Variants in FBXL13 observed in about 807,000 individuals in gnomAD.
FBXL13 encodes F-box and leucine-rich repeat protein 13.
FBXL13 carries 67 observed loss-of-function variants against 83.6 expected under a neutral mutation model. The observed-to-expected ratio is 0.80, with a 90% CI of 0.66 to 0.98. The LOEUF (loss-of-function observed/expected upper bound fraction) is 0.98. Among genes scored for constraint, FBXL13 ranks in the 50% least tolerant of loss-of-function variants. The pLI is 0.00. For synonymous variants in FBXL13, 272 were observed against 299.5 expected, an observed-to-expected ratio of 0.91 and a Z score of 0.95; for missense variants, 822 against 866.5, an observed-to-expected ratio of 0.95 and a Z score of 0.64.
chr7:102,965,608 T>C lies in FBXL13; in HGVS notation c.592-1943A>G, dbSNP rs537657323. ...ACACATACACTCTGGCAATTTCTAA[T>C]ATGAAATCCTAGGCTGGCGCTTATG... On this transcript the variant is annotated intron_variant, in intron 7 of 19. Coordinates refer to ENST00000313221, the Ensembl canonical transcript of FBXL13. Among the ~76,000 whole-genome samples the C allele has an allele frequency of 3.3e-5, 5 of 152,318 alleles. 1 individual carries two copies. Among genetic ancestry groups the C allele is most frequent in the African/African-American group, 1.2e-4 (5 of 41,566 alleles).
intron 2 of FBXL13, among the ~76,000 whole-genome samples, chr7:103,035,284 T>C (rs1296856061): frequency 6.6e-6 from 1 of 152,142 alleles, no homozygotes; most frequent in East Asian, 1.9e-4. Context: ...CTAGGAGGAA[T>C]TCTTGAATTT....
At chr7:102,859,660 G>A (rs1454438866) in intron 16 of FBXL13, among the ~76,000 whole-genome samples, 2 of 152,118 alleles carry the variant, frequency 1.3e-5, no homozygotes, top group African/African-American at 2.4e-5. Context: ...AAGATAGAGT[G>A]ACTCGGTCTC....
rs200024767 is a variant in FBXL13 at position 102,962,300 on chromosome 7, T to C, written c.724+1233A>G. On this transcript the variant is annotated intron_variant, in intron 8 of 19. Coordinates refer to ENST00000313221, the Ensembl canonical transcript of FBXL13. ...ACCACAATGAGATATCATCTCACAC[T>C]AGTTAGAATGGCAATCATTAAAAAG... Among the ~76,000 whole-genome samples the C allele has an allele frequency of 3.5e-3, 527 of 152,148 alleles. 4 individuals carry two copies. The highest frequency in any genetic ancestry group is 0.013 in the African/African-American group (520 of 41,442).
At chr7:103,024,528 C>CAAAA (rs11318355) in intron 6 of FBXL13, among the ~76,000 whole-genome samples, 3 of 46,770 alleles carry the variant, frequency 6.4e-5, no homozygotes, top group Admixed American at 3.3e-4. Context: ...AACTCCATCT[C>CAAAA]AAAAAAAAAA....
rs369903474 is a variant in FBXL13 at position 102,975,972 on chromosome 7, G to A, written c.496-7855C>T. On this transcript the variant is annotated intron_variant, in intron 6 of 19. Transcript: ENST00000313221. ...TCCACCTGGTGCCTGCTTCAAGTGC[G>A]GCAATGAAGGCCACTGGCCCACACA... 2.3e-4 allele frequency: 178 copies of A among 766,106 alleles called. No homozygotes were observed. In the East Asian group the frequency reaches 2.5e-3, roughly 11 times the overall value. 47.5% of individuals were successfully genotyped at this position (766,106 alleles called of 1,614,324 possible).
intron 8 of FBXL13, among the ~76,000 whole-genome samples, chr7:102,953,996 C>T (rs1823833177): frequency 1.3e-5 from 2 of 152,166 alleles, no homozygotes; most frequent in South Asian, 2.1e-4. Context: ...CTCCGGTCTG[C>T]AGCTCTCAAC....
intron 11 of FBXL13, among the ~76,000 whole-genome samples, chr7:102,896,786 G>GC (rs2129462930): frequency 6.6e-6 from 1 of 152,308 alleles, no homozygotes; most frequent in East Asian, 1.9e-4. Context: ...GACCTCATCT[G>GC]AATTAATTAC....
chr7:102,812,097 A>G (rs1797466027), downstream of FBXL13, among the ~76,000 whole-genome samples: 1 of 152,116 alleles, frequency 6.6e-6, no homozygotes, highest in Non-Finnish European at 1.5e-5. Flanking sequence ...GGAAATAGAA[A>G]GGTTAAAAGG....
rs1275910996 is a variant in FBXL13 at position 102,848,487 on chromosome 7, C to T, written c.1719+6290G>A. 1.1e-4 allele frequency among the ~76,000 whole-genome samples: 6 copies of T among 54,674 alleles called. 2 individuals are homozygous for T. Among genetic ancestry groups the T allele is most frequent in the African/African-American group, 3.1e-4 (2 of 6,460 alleles). The allele number at this position is 54,674 out of a possible 152,430, so 35.9% of individuals were successfully genotyped here. ...AGGAGAATGGCGTGAACCCAAGAGG[C>T]GGAGCTTGCAGTGAGCCGAGATTGC... On this transcript the variant is annotated intron_variant, in intron 17 of 19. Coordinates refer to ENST00000313221, the Ensembl canonical transcript of FBXL13.
At chr7:103,006,938 G>A (rs1791055343) in intron 6 of FBXL13, among the ~76,000 whole-genome samples, 1 of 152,108 alleles carries the variant, frequency 6.6e-6, no homozygotes, top group African/African-American at 2.4e-5. Context: ...TACAATATCT[G>A]TAATTTAAAA....
At chr7:103,029,784 CAG>C (rs1471199912) in intron 2 of FBXL13, among the ~76,000 whole-genome samples, 5 of 17,428 alleles carry the variant, frequency 2.9e-4, no homozygotes, top group South Asian at 5.8e-3. Context: ...CTGAATCAAA[CAG>C]AATGATTTTT....
chr7:102,967,001 C>T (rs1826035382), intron 7 of FBXL13, among the ~76,000 whole-genome samples: 1 of 151,802 alleles, frequency 6.6e-6, no homozygotes, highest in South Asian at 2.1e-4. Flanking sequence ...GATGGAGTCT[C>T]ACTCTGTCAC....
At chr7:102,973,399 G>C in intron 6 of FBXL13, 1 of 694,114 alleles carries the variant, frequency 1.4e-6, no homozygotes, top group Admixed American at 2.0e-5. Flanking sequence ...TCGAGAAACA[G>C]GCCATCTGGG....
At chr7:102,982,028 T>C (rs1585232723) in intron 6 of FBXL13, among the ~76,000 whole-genome samples, 1 of 152,030 alleles carries the variant, frequency 6.6e-6, no homozygotes, top group East Asian at 1.9e-4. Flanking sequence ...AAACACTGGA[T>C]CCCGGGCACA....
At chr7:102,973,544 A>G (rs375812675) in intron 6 of FBXL13, 12 of 764,626 alleles carry the variant, frequency 1.6e-5, no homozygotes, top group African/African-American at 3.4e-5. Flanking sequence ...TTAAAACAGC[A>G]GGTTGCTCCA....
At position 102,897,674 on chromosome 7, in the gene FBXL13, G is replaced by A. The variant is rs539287013; in HGVS notation, c.1009-13362C>T. Among the ~76,000 whole-genome samples, 5 of 152,188 alleles carry A rather than the reference G, an allele frequency of 3.3e-5. No homozygotes were observed. In the East Asian group the frequency reaches 9.6e-4, roughly 29 times the overall value. ...TCCCTGGTTATGTTTTTTCCCTTGAGTTCTTTTTCTTTCCTGCACAATATT... is the reference window on the plus strand; with the variant it reads ...TCCCTGGTTATGTTTTTTCCCTTGAATTCTTTTTCTTTCCTGCACAATATT... On this transcript the variant is annotated intron_variant, in intron 11 of 19. Coordinates refer to ENST00000313221, the Ensembl canonical transcript of FBXL13.
intron 2 of FBXL13, among the ~76,000 whole-genome samples, chr7:103,036,046 A>G (rs1055750946): frequency 2.6e-5 from 4 of 152,196 alleles, no homozygotes; most frequent in African/African-American, 4.8e-5. Flanking sequence ...CATCAGCCGC[A>G]GCATTAGATT....
intron 19 of FBXL13, among the ~76,000 whole-genome samples, chr7:102,819,009 G>A (rs1798422676): frequency 1.3e-5 from 2 of 152,142 alleles, no homozygotes; most frequent in South Asian, 4.2e-4. Context: ...CTGTCCATGT[G>A]TTGTCATCAT....
chr7:102,937,174 G>A (rs1437615151), intron 8 of FBXL13, among the ~76,000 whole-genome samples: 3 of 152,140 alleles, frequency 2.0e-5, no homozygotes, highest in East Asian at 3.9e-4. Context: ...GTTAATGACT[G>A]TGTAATTCAG....
Sources: allele counts gnomAD v4.1 joint callset (sites outside exome capture counted in the v4.1 genomes callset), GRCh38; gene constraint gnomAD v4.1.1; transcripts MANE v1.5; gene names NCBI Gene and HGNC (gene_info 2026-07-23, HGNC 2026-07-21).